Variants in TRPC4 observed in about 807,000 individuals in gnomAD.
The protein encoded by TRPC4 is transient receptor potential cation channel subfamily C member 4.
Under a neutral mutation model 99.4 loss-of-function variants are expected in TRPC4, and 49 were observed. The ratio of observed to expected loss-of-function variants is 0.49; its 90% CI spans 0.39 to 0.63. The LOEUF (loss-of-function observed/expected upper bound fraction) is 0.63. Among genes scored for constraint, TRPC4 ranks in the 20% least tolerant of loss-of-function variants. The pLI, the probability that TRPC4 is intolerant of heterozygous loss-of-function variation, is 0.00. For synonymous variants in TRPC4, 454 were observed against 425.9 expected (o/e 1.07, Z -0.81); for missense variants, 898 against 1,152.9 (o/e 0.78, Z 3.20).
At chr13:37,701,212 C>A (rs925698517) in intron 3 of TRPC4, among the ~76,000 whole-genome samples, 2 of 152,100 alleles carry the variant, frequency 1.3e-5, no homozygotes, top group South Asian at 4.1e-4. Flanking sequence ...ATCATTTTCA[C>A]AAAGCAGACA....
chr13:37,758,098 A>C (rs1333444578), intron 2 of TRPC4, among the ~76,000 whole-genome samples: 1 of 151,942 alleles, frequency 6.6e-6, no homozygotes, highest in East Asian at 1.9e-4. Flanking sequence ...ATCATTGTAT[A>C]TATAACAACT....
intron 3 of TRPC4, among the ~76,000 whole-genome samples, chr13:37,726,024 C>T (rs1955043853): frequency 6.6e-6 from 1 of 151,920 alleles, no homozygotes; most frequent in Admixed American, 6.6e-5. Flanking sequence ...GGTGAAACCC[C>T]TTCTCTACTA....
chr13:37,711,388 A>G (rs1350213276), intron 3 of TRPC4, among the ~76,000 whole-genome samples: 1 of 152,028 alleles, frequency 6.6e-6, no homozygotes, highest in Non-Finnish European at 1.5e-5. Flanking sequence ...TGATACAAAT[A>G]TTGTGACAAT....
chr13:37,825,334 T>C (rs4584693), intron 1 of TRPC4, among the ~76,000 whole-genome samples: 41,017 of 147,394 alleles, frequency 0.28, 5,697 homozygotes, highest in East Asian at 0.41. Context: ...GTGTTTGCTC[T>C]TGCTTTTCTA....
intron 1 of TRPC4, chr13:37,855,031 A>G (rs1959149751): frequency 1.3e-5 from 2 of 152,052 alleles, no homozygotes; most frequent in African/African-American, 4.8e-5. Context: ...TTCAATCAAA[A>G]GACACAGTAT....
intron 2 of TRPC4, 65 bp downstream of exon 2, chr13:37,782,891 A>T: frequency 5.2e-6 from 7 of 1,341,722 alleles, no homozygotes; most frequent in Non-Finnish European, 6.8e-6. Context: ...AAAAAAAGAA[A>T]GAAAAGAAAA....
rs568652905 is a variant in TRPC4 at position 37,845,272 on chromosome 13, C to T, written c.-28+24323G>A. On this transcript the variant is annotated intron_variant, in intron 1 of 10. Transcript: ENST00000379705. Reference sequence around the variant, plus strand: ...ATGAAAAATTAGGGAAATATGGCACCACCAAAAGAAGTTAATAAAGCTCTA... The same window carrying T: ...ATGAAAAATTAGGGAAATATGGCACTACCAAAAGAAGTTAATAAAGCTCTA... 1.7e-4 allele frequency among the ~76,000 whole-genome samples: 24 copies of T among 144,812 alleles called. 1 individual carries two copies. The South Asian group carries it at 4.1e-3, about 25-fold the overall frequency.
intron 5 of TRPC4, among the ~76,000 whole-genome samples, chr13:37,673,834 ATCTG>A (rs1194859295): frequency 2.0e-5 from 3 of 152,186 alleles, no homozygotes; most frequent in South Asian, 2.1e-4. Context: ...TAATATTTTG[ATCTG>A]TCTATGAAAT....
intron 3 of TRPC4, among the ~76,000 whole-genome samples, chr13:37,702,471 T>A (rs1007946881): frequency 1.3e-5 from 2 of 152,212 alleles, no homozygotes; most frequent in Non-Finnish European, 2.9e-5. Flanking sequence ...TAAATAATTT[T>A]AAAAACCAGA....
At chr13:37,822,788 T>G (rs1025899895) in intron 1 of TRPC4, among the ~76,000 whole-genome samples, 129 of 152,248 alleles carry the variant, frequency 8.5e-4, no homozygotes, top group African/African-American at 3.0e-3. Flanking sequence ...ATATACCCAG[T>G]AATGGGATGG....
chr13:37,756,109 T>G (rs1956089712), intron 2 of TRPC4, among the ~76,000 whole-genome samples: 2 of 152,168 alleles, frequency 1.3e-5, no homozygotes, highest in Admixed American at 6.5e-5. Context: ...ATTTAAAAAT[T>G]TATTTGACAA....
intron 1 of TRPC4, among the ~76,000 whole-genome samples, chr13:37,822,159 C>T (rs1235367610): frequency 6.6e-6 from 1 of 151,902 alleles, no homozygotes; most frequent in East Asian, 1.9e-4. Context: ...GACACTTTTC[C>T]AAAGAAGACA....
intron 3 of TRPC4, among the ~76,000 whole-genome samples, chr13:37,714,761 C>T (rs1593571857): frequency 6.5e-5 from 1 of 15,412 alleles, no homozygotes; most frequent in African/African-American, 2.3e-4. Flanking sequence ...CTTTTTTCCT[C>T]CTATTCAGTC....
At chr13:37,814,498 ATATGTT>A (rs1957788245) in intron 1 of TRPC4, among the ~76,000 whole-genome samples, 1 of 151,878 alleles carries the variant, frequency 6.6e-6, no homozygotes, top group African/African-American at 2.4e-5. Context: ...AAAATTAATT[ATATGTT>A]TATAAAATAA....
intron 1 of TRPC4, among the ~76,000 whole-genome samples, chr13:37,822,102 T>G (rs1477353123): frequency 6.6e-6 from 1 of 152,000 alleles, no homozygotes; most frequent in Non-Finnish European, 1.5e-5. Flanking sequence ...GTAACTTAAA[T>G]TTATAAGAAA....
chr13:37,794,487 C>T (rs1168476538), intron 1 of TRPC4, among the ~76,000 whole-genome samples: 2 of 152,042 alleles, frequency 1.3e-5, no homozygotes, highest in East Asian at 3.9e-4. Flanking sequence ...ATCTCAGAGG[C>T]TAGATGACTC....
intron 2 of TRPC4, among the ~76,000 whole-genome samples, chr13:37,767,812 T>C (rs535252638): frequency 4.6e-4 from 69 of 151,408 alleles, no homozygotes; most frequent in African/African-American, 1.7e-3. Flanking sequence ...CCAAAACTAT[T>C]ACTTAGTACC....
chr13:37,828,483 G>A (rs1016002561), intron 1 of TRPC4, among the ~76,000 whole-genome samples: 1 of 151,982 alleles, frequency 6.6e-6, no homozygotes, highest in Non-Finnish European at 1.5e-5. Context: ...TCCATTATTG[G>A]GCATACACCC....
chr13:37,643,026 G>T (rs1951773077), intron 8 of TRPC4, among the ~76,000 whole-genome samples: 1 of 152,046 alleles, frequency 6.6e-6, no homozygotes, highest in Non-Finnish European at 1.5e-5. Flanking sequence ...CACAGTGCCT[G>T]GCCAGAAATA....
Sources: allele counts gnomAD v4.1 joint callset (sites outside exome capture counted in the v4.1 genomes callset), GRCh38; gene constraint gnomAD v4.1.1; transcripts MANE v1.5; gene names NCBI Gene and HGNC (gene_info 2026-07-23, HGNC 2026-07-21).